Variants in CYB5R4 observed in about 807,000 individuals in gnomAD.
The protein encoded by CYB5R4 is cytochrome b5 reductase 4, also known as N-terminal cytochrome b5 and cytochrome b5 oxidoreductase domain-containing protein.
CYB5R4 carries 55 observed loss-of-function variants against 70.2 expected under a neutral mutation model. The ratio of observed to expected loss-of-function variants is 0.78; its 90% CI spans 0.63 to 0.98. CYB5R4 has a LOEUF of 0.98. Among genes scored for constraint, CYB5R4 ranks in the 50% least tolerant of loss-of-function variants. The probability of loss-of-function intolerance (pLI) is 0.00; values close to 1 mark genes in which losing one functional copy is unlikely to be tolerated. For synonymous variants in CYB5R4, 197 were observed against 199.5 expected, an observed-to-expected ratio of 0.99 and a Z score of 0.11; for missense variants, 562 against 612.6, an observed-to-expected ratio of 0.92 and a Z score of 0.87.
At chr6:83,926,733 G>A (rs1276350983) in intron 10 of CYB5R4, among the ~76,000 whole-genome samples, 4 of 152,226 alleles carry the variant, frequency 2.6e-5, no homozygotes, top group Non-Finnish European at 1.5e-5. Context: ...CCTCTAGAGT[G>A]CAAACTTCTT....
rs888362843 is a variant in CYB5R4, at chr6:83,965,855, C to G, written c.*5977C>G. On this transcript the variant is annotated 3_prime_UTR_variant, in exon 16 of 16. Transcript: ENST00000369681. The stretch of plus-strand genomic sequence containing the variant: ...ACTGTTCTCATGGTAGAGAATAAGT[C>G]TCATGAGATCTGATGGTTTCATCAG... 1 of 152,174 alleles carries G rather than the reference C, an allele frequency of 6.6e-6. No homozygotes were observed. Among genetic ancestry groups the G allele is most frequent in the Admixed American group, 6.5e-5 (1 of 15,280 alleles). The allele number at this position is 152,174 out of a possible 1,614,324, so 9.4% of individuals were successfully genotyped here. A position where few individuals can be genotyped will look rare whatever the true frequency, so the allele number is the denominator to read the frequency against.
rs191178932 is a variant in CYB5R4, at chr6:83,919,050, G to A, written c.507-347G>A. Among the ~76,000 whole-genome samples, 331 of 145,438 alleles carry A rather than the reference G, an allele frequency of 2.3e-3. 2 individuals are homozygous for A. The highest frequency in any genetic ancestry group is 8.9e-3 in the African/African-American group (314 of 35,348). On this transcript the variant is annotated intron_variant, in intron 6 of 15. Transcript: ENST00000369681. ...AGGGAGGAATGAAGATAATAAACATGTGCATTTTTTCATGCTCTTTAACAA... is the reference window on the plus strand; with the variant it reads ...AGGGAGGAATGAAGATAATAAACATATGCATTTTTTCATGCTCTTTAACAA...
At chr6:83,947,129 A>G (rs1292499642) in intron 14 of CYB5R4, among the ~76,000 whole-genome samples, 1 of 152,208 alleles carries the variant, frequency 6.6e-6, no homozygotes, top group Non-Finnish European at 1.5e-5. Flanking sequence ...ACAAAGCTGG[A>G]GGCATCACGC....
chr6:83,899,644 C>T (rs1024286665), intron 3 of CYB5R4, among the ~76,000 whole-genome samples: 1 of 152,086 alleles, frequency 6.6e-6, no homozygotes, highest in African/African-American at 2.4e-5. Context: ...AATTTCAGAG[C>T]CTGTTATTGG....
chr6:83,940,016 T>TG, intron 12 of CYB5R4, 40 bp from the exon 13 acceptor site: 1 of 941,698 alleles, frequency 1.1e-6, no homozygotes, highest in Non-Finnish European at 1.5e-6. Flanking sequence ...TTGTTTTTTG[T>TG]TTTTTTTTTT....
intron 10 of CYB5R4, among the ~76,000 whole-genome samples, chr6:83,931,519 G>A (rs9344377): frequency 0.26 from 39,331 of 152,024 alleles, 9,409 homozygotes; most frequent in African/African-American, 0.63. Context: ...AACATTAAGA[G>A]AAAAGTATGC....
At chr6:83,914,754 C>T (rs2099465221) in intron 5 of CYB5R4, among the ~76,000 whole-genome samples, 1 of 151,530 alleles carries the variant, frequency 6.6e-6, no homozygotes, top group African/African-American at 2.4e-5. Context: ...TCAGGCTGGT[C>T]TTGAACTCCT....
intron 3 of CYB5R4, among the ~76,000 whole-genome samples, chr6:83,901,782 G>T (rs945724985): frequency 2.0e-5 from 3 of 151,258 alleles, no homozygotes; most frequent in African/African-American, 7.3e-5. Context: ...TGTCCCTGAT[G>T]ATCAGTGATA....
intron 2 of CYB5R4, among the ~76,000 whole-genome samples, chr6:83,890,936 C>T (rs551398489): frequency 1.8e-4 from 28 of 151,974 alleles, no homozygotes; most frequent in African/African-American, 6.3e-4. Context: ...AACAATATAG[C>T]GTAAACATAA....
chr6:83,914,613 C>G (rs1184253400), intron 5 of CYB5R4, among the ~76,000 whole-genome samples, 165 bp downstream of exon 5: 2 of 152,232 alleles, frequency 1.3e-5, no homozygotes, highest in Middle Eastern at 3.4e-3. Context: ...TCTCAGCTCA[C>G]TGTAACCTCC....
chr6:83,900,443 G>A (rs2099462728), intron 3 of CYB5R4, among the ~76,000 whole-genome samples: 1 of 152,184 alleles, frequency 6.6e-6, no homozygotes, highest in Non-Finnish European at 1.5e-5. Flanking sequence ...TGTATATTCT[G>A]TTGATTTGGG....
At chr6:83,897,104 C>G (rs925719489) in intron 3 of CYB5R4, among the ~76,000 whole-genome samples, 4 of 151,124 alleles carry the variant, frequency 2.6e-5, no homozygotes, top group African/African-American at 9.8e-5. Context: ...TGTTCCCCTT[C>G]CTGTGTCCAT....
Position 83,966,665 on chromosome 6 carries a change from T to C in CYB5R4, c.*6787T>C, listed in dbSNP as rs909600622. 1 of 152,238 alleles carries C rather than the reference T, an allele frequency of 6.6e-6. No homozygotes were observed. Among genetic ancestry groups the C allele is most frequent in the African/African-American group, 2.4e-5 (1 of 41,456 alleles). 9.4% of individuals were successfully genotyped at this position (152,238 alleles called of 1,614,324 possible). A position where few individuals can be genotyped will look rare whatever the true frequency, so the allele number is the denominator to read the frequency against. ...GAGATTGCACCTTTGCACTCCAGCC[T>C]GGGCAACAAGAGTGAAACTCCATCT... On this transcript the variant is annotated 3_prime_UTR_variant, in exon 16 of 16. Transcript: ENST00000369681.
At chr6:83,871,488 C>G (rs1487333994) in intron 2 of CYB5R4, among the ~76,000 whole-genome samples, 2 of 151,996 alleles carry the variant, frequency 1.3e-5, no homozygotes, top group African/African-American at 4.8e-5. Context: ...TTTTCTCTCT[C>G]TGTACTTCTC....
intron 14 of CYB5R4, among the ~76,000 whole-genome samples, chr6:83,946,848 A>G (rs1425563708): frequency 6.6e-6 from 1 of 152,198 alleles, no homozygotes; most frequent in African/African-American, 2.4e-5. Flanking sequence ...TAGGAATCCA[A>G]CTTACAAGAG....
chr6:83,956,249 G>C (rs1045624530), intron 15 of CYB5R4, among the ~76,000 whole-genome samples: 3 of 152,124 alleles, frequency 2.0e-5, no homozygotes, highest in African/African-American at 7.2e-5. Context: ...GAGAACATGT[G>C]CCCAAGGTGG....
chr6:83,951,094 C>T (rs1223203476), intron 14 of CYB5R4, among the ~76,000 whole-genome samples: 1 of 152,100 alleles, frequency 6.6e-6, no homozygotes, highest in East Asian at 1.9e-4. Flanking sequence ...TTATCCAGCC[C>T]AAAATGCCAG....
intron 2 of CYB5R4, among the ~76,000 whole-genome samples, chr6:83,874,316 A>G (rs951785268): frequency 2.7e-5 from 4 of 150,316 alleles, no homozygotes; most frequent in Admixed American, 6.6e-5. Context: ...TCAGCCTCCA[A>G]AGTAGCTGGA....
chr6:83,956,952 C>T (rs2099472520), intron 15 of CYB5R4, among the ~76,000 whole-genome samples: 1 of 150,130 alleles, frequency 6.7e-6, no homozygotes, highest in Middle Eastern at 3.2e-3. Context: ...AATCTTATAT[C>T]TTGCTTTTTT....
Sources: gnomAD v4.1 joint callset for allele counts (sites outside exome capture counted in the v4.1 genomes callset) on GRCh38, gnomAD v4.1.1 for gene constraint, MANE v1.5 for transcripts, NCBI Gene and HGNC (gene_info 2026-07-23, HGNC 2026-07-21) for gene names.